NEGR1: variants seen among roughly 807,000 people sequenced by gnomAD.
NEGR1 encodes neuronal growth regulator 1.
NEGR1 carries 10 observed loss-of-function variants against 40.9 expected under a neutral mutation model. The observed-to-expected ratio is 0.24, with a 90% confidence interval of 0.15 to 0.42. The LOEUF (loss-of-function observed/expected upper bound fraction) is 0.42, where lower values mean the gene tolerates loss of function less well. Among genes scored for constraint, NEGR1 ranks in the 10% least tolerant of loss-of-function variants. The pLI, the probability that NEGR1 is intolerant of heterozygous loss-of-function variation, is 1.00. For synonymous variants in NEGR1, 185 were observed against 166.8 expected (o/e 1.11, Z -0.84); for missense variants, 352 against 438.9 (o/e 0.80, Z 1.77).
chr1:71,957,278 G>T (rs1315421708), intron 1 of NEGR1, among the ~76,000 whole-genome samples: 1 of 152,072 alleles, frequency 6.6e-6, no homozygotes, highest in Non-Finnish European at 1.5e-5. Context: ...AATGCCAGTA[G>T]CTACAGCACT....
chr1:71,761,824 T>C (rs1340219768), intron 3 of NEGR1, among the ~76,000 whole-genome samples: 2 of 151,818 alleles, frequency 1.3e-5, no homozygotes, highest in African/African-American at 2.4e-5. Context: ...ATTTTCTAAA[T>C]AGAAATAAAA....
At chr1:71,706,426 T>G (rs1441875810) in intron 3 of NEGR1, among the ~76,000 whole-genome samples, 8 of 151,896 alleles carry the variant, frequency 5.3e-5, no homozygotes, top group Non-Finnish European at 1.0e-4. Context: ...CTGCAACTCT[T>G]AGGTGAGTCC....
intron 2 of NEGR1, among the ~76,000 whole-genome samples, chr1:71,785,208 G>A (rs568101116): frequency 2.0e-5 from 3 of 152,286 alleles, no homozygotes; most frequent in African/African-American, 4.8e-5. Flanking sequence ...CAGCCAGCAG[G>A]CTGGAGCACA....
chr1:72,098,921 T>C (rs1187680816), intron 1 of NEGR1, among the ~76,000 whole-genome samples: 1 of 151,484 alleles, frequency 6.6e-6, no homozygotes, highest in Non-Finnish European at 1.5e-5. Context: ...AAAATAAAAC[T>C]AAAATAAACT....
At chr1:71,428,251 G>A (rs1387015715) in intron 6 of NEGR1, among the ~76,000 whole-genome samples, 1 of 152,116 alleles carries the variant, frequency 6.6e-6, no homozygotes, top group African/African-American at 2.4e-5. Flanking sequence ...TTGCCTTCTG[G>A]CTAGATGACA....
intron 1 of NEGR1, among the ~76,000 whole-genome samples, chr1:72,099,196 A>C (rs2630391): frequency 6.6e-6 from 1 of 151,728 alleles, no homozygotes; most frequent in Non-Finnish European, 1.5e-5. Context: ...TTGAATAATA[A>C]ATTTTCATAG....
At chr1:71,460,048 A>G (rs1452155352) in intron 6 of NEGR1, among the ~76,000 whole-genome samples, 2 of 152,212 alleles carry the variant, frequency 1.3e-5, no homozygotes, top group Non-Finnish European at 2.9e-5. Flanking sequence ...AGTCAGCACC[A>G]TATATTTTCT....
chr1:71,463,173 A>T (rs7552024), intron 6 of NEGR1, among the ~76,000 whole-genome samples: 110,918 of 152,056 alleles, frequency 0.73, 41,013 homozygotes, highest in Non-Finnish European at 0.77. Context: ...ATACTTAAGT[A>T]AATTATATAC....
intron 1 of NEGR1, among the ~76,000 whole-genome samples, chr1:72,158,955 T>C (rs1651458892): frequency 6.6e-6 from 1 of 152,182 alleles, no homozygotes; most frequent in Non-Finnish European, 1.5e-5. Context: ...CATGTTAAAC[T>C]GAATCTAAAA....
chr1:71,577,125 G>T (rs1214578386), intron 6 of NEGR1, among the ~76,000 whole-genome samples: 1 of 151,944 alleles, frequency 6.6e-6, no homozygotes, highest in East Asian at 1.9e-4. Context: ...AATTTTTTTT[G>T]TCAGTTCTTT....
At chr1:71,477,955 A>C (rs1646832362) in intron 6 of NEGR1, among the ~76,000 whole-genome samples, 1 of 151,920 alleles carries the variant, frequency 6.6e-6, no homozygotes, top group Admixed American at 6.6e-5. Flanking sequence ...TGAGGAATAA[A>C]AAAATGCTGT....
At chr1:72,124,343 C>A (rs1415744778) in intron 1 of NEGR1, among the ~76,000 whole-genome samples, 2 of 151,762 alleles carry the variant, frequency 1.3e-5, no homozygotes, top group Non-Finnish European at 2.9e-5. Flanking sequence ...CCCTGCTTAC[C>A]CACAAAGATT....
chr1:71,977,493 TCAA>T (rs755576247), intron 1 of NEGR1, among the ~76,000 whole-genome samples: 1 of 152,130 alleles, frequency 6.6e-6, no homozygotes, highest in Non-Finnish European at 1.5e-5. Flanking sequence ...TTAAAAATGG[TCAA>T]CGAGTGTATC....
At chr1:71,934,455 A>G (rs950384679) in intron 2 of NEGR1, among the ~76,000 whole-genome samples, 62 of 152,262 alleles carry the variant, frequency 4.1e-4, no homozygotes, top group African/African-American at 1.4e-3. Context: ...CTCTATATTT[A>G]AATAAAGAAA....
chr1:71,609,699 T>C (rs1262579299), intron 5 of NEGR1, among the ~76,000 whole-genome samples: 1 of 152,142 alleles, frequency 6.6e-6, no homozygotes, highest in Non-Finnish European at 1.5e-5. Flanking sequence ...TTTGTGGTAA[T>C]ATCTAAGTCT....
intron 6 of NEGR1, chr1:71,476,917 G>C (rs983489616): frequency 6.6e-6 from 1 of 151,996 alleles, no homozygotes; most frequent in Non-Finnish European, 1.5e-5. Flanking sequence ...AGTCCTTCTA[G>C]CAAATTGCCA....
At chr1:71,660,504 C>A (rs80091241) in intron 4 of NEGR1, among the ~76,000 whole-genome samples, 1 of 152,066 alleles carries the variant, frequency 6.6e-6, no homozygotes, top group East Asian at 1.9e-4. Context: ...AAAAAAAAGT[C>A]TCTTTACAGA....
chr1:71,591,888 G>T (rs1162661229), intron 6 of NEGR1, among the ~76,000 whole-genome samples: 1 of 151,964 alleles, frequency 6.6e-6, no homozygotes, highest in Non-Finnish European at 1.5e-5. Flanking sequence ...AAACAGAAAT[G>T]ATATTTATGA....
chr1:72,119,630 G>A (rs1205924467), intron 1 of NEGR1, among the ~76,000 whole-genome samples: 2 of 151,738 alleles, frequency 1.3e-5, no homozygotes, highest in Non-Finnish European at 2.9e-5. Flanking sequence ...TTCTCAAATG[G>A]GGATGATTTA....
Sources: gnomAD v4.1 joint callset for allele counts (sites outside exome capture counted in the v4.1 genomes callset) on GRCh38, gnomAD v4.1.1 for gene constraint, MANE v1.5 for transcripts, NCBI Gene and HGNC (gene_info 2026-07-23, HGNC 2026-07-21) for gene names.